PGBD5: variants seen among roughly 807,000 people sequenced by gnomAD.
PGBD5 encodes piggyBac transposable element derived 5.
PGBD5 carries 14 observed loss-of-function variants against 47.9 expected under a neutral mutation model. The ratio of observed to expected loss-of-function variants is 0.29; its 90% confidence interval spans 0.19 to 0.46. The LOEUF (loss-of-function observed/expected upper bound fraction) is 0.46, where lower values mean the gene tolerates loss of function less well. Among genes scored for constraint, PGBD5 ranks in the 20% least tolerant of loss-of-function variants. The pLI is 1.00. For synonymous variants in PGBD5, 316 were observed against 306.3 expected, an observed-to-expected ratio of 1.03 and a Z score of -0.33; for missense variants, 635 against 716.0, an observed-to-expected ratio of 0.89 and a Z score of 1.29.
At chr1:230,378,719 C>T (rs1161935237) in intron 1 of PGBD5, among the ~76,000 whole-genome samples, 2 of 152,214 alleles carry the variant, frequency 1.3e-5, no homozygotes, top group African/African-American at 4.8e-5. Flanking sequence ...GCTTCCCTTG[C>T]AGCCCGTAGA....
intron 1 of PGBD5, among the ~76,000 whole-genome samples, chr1:230,404,963 C>G (rs1571861984): frequency 6.9e-6 from 1 of 144,992 alleles, no homozygotes; most frequent in Non-Finnish European, 1.5e-5. Context: ...GGCAAGGTAT[C>G]ACTCAGCTAT....
intron 1 of PGBD5, among the ~76,000 whole-genome samples, chr1:230,398,776 G>A (rs191006434): frequency 1.3e-4 from 20 of 151,936 alleles, no homozygotes; most frequent in South Asian, 2.1e-4. Context: ...TGAAGATCTC[G>A]AGCATCAGTG....
rs562099040 is a variant in PGBD5, at chr1:230,397,679, G to A, written c.331+27919C>T. 2.0e-5 allele frequency among the ~76,000 whole-genome samples: 3 copies of A among 152,346 alleles called. No homozygotes were observed. The East Asian group carries it at 5.8e-4, about 29-fold the overall frequency. On this transcript the variant is annotated intron_variant, in intron 1 of 6. Transcript: ENST00000391860. ...CAAGGAATGCCTGGGCATACACAGA[G>A]GCAAAAATCGTGGGCCTGTGACTTA...
At chr1:230,419,943 T>G (rs1657612775) in intron 1 of PGBD5, among the ~76,000 whole-genome samples, 1 of 152,076 alleles carries the variant, frequency 6.6e-6, no homozygotes, top group Non-Finnish European at 1.5e-5. Flanking sequence ...CTGGACAACA[T>G]GGCGAAACCC....
At chr1:230,343,255 G>A (rs1395070290) in intron 3 of PGBD5, among the ~76,000 whole-genome samples, 2 of 152,198 alleles carry the variant, frequency 1.3e-5, no homozygotes, top group Non-Finnish European at 2.9e-5. Context: ...CAAAGCCTGA[G>A]GTGGTTCTTT....
chr1:230,409,928 TA>T (rs1285061416), intron 1 of PGBD5, among the ~76,000 whole-genome samples: 1 of 151,690 alleles, frequency 6.6e-6, no homozygotes, highest in Admixed American at 6.6e-5. Flanking sequence ...GTGGAAGAAA[TA>T]AAATCAAGCC....
At chr1:230,423,574 G>A (rs1157277648) in intron 1 of PGBD5, among the ~76,000 whole-genome samples, 1 of 152,082 alleles carries the variant, frequency 6.6e-6, no homozygotes, top group African/African-American at 2.4e-5. Flanking sequence ...TCTATTTTCA[G>A]CCCCCATAAA....
At chr1:230,412,166 T>C (rs893982963) in intron 1 of PGBD5, among the ~76,000 whole-genome samples, 2 of 152,126 alleles carry the variant, frequency 1.3e-5, no homozygotes, top group African/African-American at 2.4e-5. Flanking sequence ...TCAAGAACCA[T>C]GTATAATATT....
At chr1:230,335,090 TACAC>T (rs1558192191) in intron 4 of PGBD5, among the ~76,000 whole-genome samples, 5 of 119,152 alleles carry the variant, frequency 4.2e-5, no homozygotes, top group South Asian at 5.6e-4. Context: ...CACACACAGG[TACAC>T]ACACAGACAC....
At chr1:230,389,739 A>G (rs531342839) in intron 1 of PGBD5, among the ~76,000 whole-genome samples, 1 of 152,366 alleles carries the variant, frequency 6.6e-6, no homozygotes, top group East Asian at 1.9e-4. Flanking sequence ...GAAAAATCCA[A>G]TTAGTAAATG....
chr1:230,380,724 T>C (rs925411383), intron 1 of PGBD5, among the ~76,000 whole-genome samples: 5 of 152,252 alleles, frequency 3.3e-5, no homozygotes, highest in Admixed American at 6.5e-5. Context: ...CACCCACACC[T>C]GTACTCAAGA....
At chr1:230,396,753 C>T (rs999051466) in intron 1 of PGBD5, among the ~76,000 whole-genome samples, 1 of 151,954 alleles carries the variant, frequency 6.6e-6, no homozygotes, top group Non-Finnish European at 1.5e-5. Flanking sequence ...CATGAGATCC[C>T]GGCAGGCCAC....
At chr1:230,326,458 TATTATC>T (rs1237157206) in intron 5 of PGBD5, among the ~76,000 whole-genome samples, 1 of 152,148 alleles carries the variant, frequency 6.6e-6, no homozygotes, top group African/African-American at 2.4e-5. Context: ...AGGGTGGAAT[TATTATC>T]ATTATTTTTT....
At chr1:230,326,232 A>G (rs1489713063) in intron 5 of PGBD5, among the ~76,000 whole-genome samples, 1 of 152,176 alleles carries the variant, frequency 6.6e-6, no homozygotes, top group Non-Finnish European at 1.5e-5. Context: ...AGCCTGGCCA[A>G]CATGGCAAAA....
rs79697432 is a variant in PGBD5, at chr1:230,321,643, G to C, written c.*1782C>G. 6.6e-6 allele frequency: 1 copy of C among 152,446 alleles called. No individual in the cohort carries two copies. The highest frequency in any genetic ancestry group is 2.4e-5 in the African/African-American group (1 of 41,444). The allele number at this position is 152,446 out of a possible 1,614,324, so 9.4% of individuals were successfully genotyped here. On this transcript the variant is annotated 3_prime_UTR_variant, in exon 7 of 7. Coordinates refer to ENST00000391860, the MANE Select transcript of PGBD5 (RefSeq NM_001258311.2). Reference sequence around the variant, plus strand: ...TTAAACGAATTCACGTATTAACGGAGAATCAACATCTAAATAGACTTTTAT... The same window carrying C: ...TTAAACGAATTCACGTATTAACGGACAATCAACATCTAAATAGACTTTTAT...
chr1:230,419,912 G>A (rs1290559949), intron 1 of PGBD5, among the ~76,000 whole-genome samples: 4 of 152,076 alleles, frequency 2.6e-5, no homozygotes, highest in Non-Finnish European at 4.4e-5. Flanking sequence ...GATCACCTGA[G>A]GTAAGGAGTT....
chr1:230,375,818 T>C (rs1407782761), intron 1 of PGBD5, among the ~76,000 whole-genome samples: 1 of 151,700 alleles, frequency 6.6e-6, no homozygotes, highest in Non-Finnish European at 1.5e-5. Context: ...TTGTTTTTTT[T>C]GTTTTGTTTT....
chr1:230,346,141 A>G (rs1667470401), intron 3 of PGBD5, among the ~76,000 whole-genome samples: 4 of 152,100 alleles, frequency 2.6e-5, no homozygotes, highest in Admixed American at 2.6e-4. Flanking sequence ...TCCCAGGCTC[A>G]AGGGAACCTT....
At position 230,415,606 on chromosome 1, in the gene PGBD5, G is replaced by A. The variant is rs913602584; in HGVS notation, c.331+9992C>T. ...CACTTCCCAGTGAGGCCTGTCATCT[G>A]CCCATGTGGGTCTCTCTTCCCCCAT... On this transcript the variant is annotated intron_variant, in intron 1 of 6. Transcript: ENST00000391860. Among the ~76,000 whole-genome samples the A allele has an allele frequency of 2.8e-4, 43 of 152,172 alleles. 1 individual carries two copies. Among genetic ancestry groups the A allele is most frequent in the Non-Finnish European group, 1.0e-4 (7 of 68,036 alleles).
Sources: gnomAD v4.1 joint callset for allele counts (sites outside exome capture counted in the v4.1 genomes callset) on GRCh38, gnomAD v4.1.1 for gene constraint, MANE v1.5 for transcripts, NCBI Gene and HGNC (gene_info 2026-07-23, HGNC 2026-07-21) for gene names.